The following FABP6 variants were observed in gnomAD, a reference collection of about 807,000 sequenced individuals.
The protein encoded by FABP6 is gastrotropin.
Under a neutral mutation model 14.9 loss-of-function variants are expected in FABP6, and 13 were observed. The ratio of observed to expected loss-of-function variants is 0.87; its 90% confidence interval spans 0.57 to 1.39. The LOEUF (loss-of-function observed/expected upper bound fraction) is 1.39, where lower values mean the gene tolerates loss of function less well. Among genes scored for constraint, FABP6 ranks in the 40% most tolerant of loss-of-function variants. FABP6 has a pLI of 0.00. For synonymous variants in FABP6, 75 were observed against 63.6 expected, an observed-to-expected ratio of 1.18 and a Z score of -0.85; for missense variants, 161 against 167.2, an observed-to-expected ratio of 0.96 and a Z score of 0.20.
chr5:160,212,138 C>CCA, intron 2 of FABP6, among the ~76,000 whole-genome samples: 1 of 152,054 alleles, frequency 6.6e-6, no homozygotes, highest in East Asian at 1.9e-4. Context: ...CAGGCGCCTG[C>CCA]CACCACACAA....
intron 1 of FABP6, among the ~76,000 whole-genome samples, chr5:160,188,331 C>T (rs780218158): frequency 6.3e-4 from 96 of 151,806 alleles, no homozygotes; most frequent in Non-Finnish European, 1.2e-3. Flanking sequence ...GGTGTGTCTT[C>T]TGTGCTTTGT....
intron 1 of FABP6, among the ~76,000 whole-genome samples, chr5:160,194,494 T>C (rs1426170272): frequency 6.6e-6 from 1 of 151,980 alleles, no homozygotes; most frequent in African/African-American, 2.4e-5. Context: ...TGAGCCATGA[T>C]TGCACCATTG....
chr5:160,220,086 T>C (rs1336059524), intron 3 of FABP6, among the ~76,000 whole-genome samples: 1 of 152,096 alleles, frequency 6.6e-6, no homozygotes, highest in Non-Finnish European at 1.5e-5. Flanking sequence ...GATCACAATG[T>C]AGTTGGGAGA....
In FABP6 at chr5:160,198,728, C is replaced by T. The variant is rs373606381; in HGVS notation, c.-58-321C>T. 8 of 199,806 alleles carry T rather than the reference C, an allele frequency of 4.0e-5. No homozygotes were observed. The East Asian group carries it at 7.7e-4, about 19-fold the overall frequency. 12.4% of individuals were successfully genotyped at this position (199,806 alleles called of 1,614,324 possible). On this transcript the variant is annotated intron_variant, in intron 1 of 6. Coordinates refer to the FABP6 transcript ENST00000393980. ...TGAGGCGTTATCTGAAATTCCTCTG[C>T]CTGCTTTTCTCAGCCCCATGTCCTA...
chr5:160,194,064 C>T (rs554979030), intron 1 of FABP6, among the ~76,000 whole-genome samples: 4 of 152,330 alleles, frequency 2.6e-5, no homozygotes, highest in African/African-American at 4.8e-5. Flanking sequence ...TAAGGCCCGG[C>T]GAGAAATCAA....
At chr5:160,229,657 G>T (rs1276178591) in intron 1 of FABP6, 33 bp downstream of exon 1, 2 of 1,610,716 alleles carry the variant, frequency 1.2e-6, no homozygotes, top group Non-Finnish European at 1.7e-6. Context: ...CTTCCTCGGG[G>T]TTGGTTTGTC....
chr5:160,226,300 C>T (rs570605132), upstream of FABP6, among the ~76,000 whole-genome samples: 4 of 151,992 alleles, frequency 2.6e-5, no homozygotes, highest in East Asian at 1.9e-4. Flanking sequence ...CGGTGGCTCA[C>T]GCCTGTAGTT....
chr5:160,212,908 C>T (rs148551493), intron 2 of FABP6, among the ~76,000 whole-genome samples: 4 of 152,324 alleles, frequency 2.6e-5, no homozygotes, highest in East Asian at 1.9e-4. Context: ...TGAGCCACTA[C>T]GTCCAGCCCT....
chr5:160,192,743 G>A (rs543856831), intron 1 of FABP6, among the ~76,000 whole-genome samples: 17 of 152,370 alleles, frequency 1.1e-4, no homozygotes, highest in East Asian at 1.9e-4. Flanking sequence ...AGGCGCATGC[G>A]CCCAGGTTCT....
At chr5:160,218,220 C>A (rs1383513946) in intron 3 of FABP6, among the ~76,000 whole-genome samples, 1 of 152,054 alleles carries the variant, frequency 6.6e-6, no homozygotes, top group Non-Finnish European at 1.5e-5. Flanking sequence ...AGCCACCACC[C>A]CTGGCTGAAC....
upstream of FABP6, among the ~76,000 whole-genome samples, chr5:160,224,775 C>A (rs1387930103): frequency 7.0e-6 from 1 of 143,040 alleles, no homozygotes; most frequent in Admixed American, 7.3e-5. Context: ...ATAATTTTTT[C>A]CTTTTTTTTT....
At chr5:160,193,931 C>T (rs1054690480) in intron 1 of FABP6, among the ~76,000 whole-genome samples, 9 of 152,230 alleles carry the variant, frequency 5.9e-5, no homozygotes, top group East Asian at 1.9e-4. Flanking sequence ...TGGGACTGGG[C>T]GCCGTGGGGC....
At chr5:160,221,956 C>A (rs950237138) in intron 3 of FABP6, among the ~76,000 whole-genome samples, 1 of 152,110 alleles carries the variant, frequency 6.6e-6, no homozygotes, top group Non-Finnish European at 1.5e-5. Flanking sequence ...GCGGTTTTAA[C>A]CTTTACAAAG....
At chr5:160,215,516 A>AG (rs1759990632) in intron 3 of FABP6, among the ~76,000 whole-genome samples, 1 of 131,612 alleles carries the variant, frequency 7.6e-6, no homozygotes, top group South Asian at 2.9e-4. Context: ...TCTGTCTCAG[A>AG]GAAAAAAAAA....
chr5:160,214,084 CCTTTCTCTTTCTTTCTTTCTTTCTTT>C lies in FABP6; in HGVS notation c.135+272_135+297del, dbSNP rs1290616290. Among the ~76,000 whole-genome samples the C allele has an allele frequency of 1.1e-3, 160 of 149,996 alleles. 1 individual carries two copies. Among genetic ancestry groups the C allele is most frequent in the African/African-American group, 3.4e-3 (138 of 40,716 alleles). On this transcript the variant is annotated intron_variant, in intron 3 of 6. Transcript: ENST00000393980. ...AGCTAGCTCAAGTAGGTTTTGCCTG[CCTTTCTCTTTCTTTCTTTCTTTCTTT>C]CTTTCTTTCTTTCTTTCTTTCTTTC...
chr5:160,219,078 T>G (rs1760078159), intron 3 of FABP6, among the ~76,000 whole-genome samples: 1 of 152,178 alleles, frequency 6.6e-6, no homozygotes. Context: ...ATTCTAGGGA[T>G]CGATGCCAAC....
chr5:160,193,929 G>A (rs1166793309), intron 1 of FABP6, among the ~76,000 whole-genome samples: 2 of 152,254 alleles, frequency 1.3e-5, no homozygotes, highest in Non-Finnish European at 2.9e-5. Flanking sequence ...GATGGGACTG[G>A]GCGCCGTGGG....
At chr5:160,204,195 G>C (rs1385351038) in intron 2 of FABP6, among the ~76,000 whole-genome samples, 2 of 150,904 alleles carry the variant, frequency 1.3e-5, no homozygotes, top group Non-Finnish European at 2.9e-5. Flanking sequence ...TGCACCTGTA[G>C]TCCTGTAGTC....
chr5:160,229,468 T>C (rs1760319933), upstream of FABP6: 2 of 1,600,794 alleles, frequency 1.2e-6, no homozygotes, highest in Admixed American at 3.4e-5. Context: ...CCTCAGCAAC[T>C]GGGAGAGTTT....
Sources: allele counts gnomAD v4.1 joint callset (sites outside exome capture counted in the v4.1 genomes callset), GRCh38; gene constraint gnomAD v4.1.1; transcripts MANE v1.5; gene names NCBI Gene and HGNC (gene_info 2026-07-23, HGNC 2026-07-21).